The following NAALADL2 variants were observed in gnomAD, a reference collection of about 807,000 sequenced individuals.
The protein encoded by NAALADL2 is inactive N-acetylated-alpha-linked acidic dipeptidase-like protein 2.
Under a neutral mutation model 87.2 loss-of-function variants are expected in NAALADL2, and 76 were observed. That is an observed-to-expected ratio of 0.87 (90% CI 0.72 to 1.05). NAALADL2 has a LOEUF of 1.05. Among genes scored for constraint, NAALADL2 ranks in the 50% least tolerant of loss-of-function variants. The pLI, the probability that NAALADL2 is intolerant of heterozygous loss-of-function variation, is 0.00. For missense variants in NAALADL2, 1,089 were observed against 945.8 expected (o/e 1.15, Z -1.99); for synonymous variants, 354 against 331.0 (o/e 1.07, Z -0.75).
chr3:174,591,466 G>A (rs566321138), intron 2 of NAALADL2, among the ~76,000 whole-genome samples: 2 of 152,090 alleles, frequency 1.3e-5, no homozygotes, highest in Admixed American at 6.5e-5. Flanking sequence ...CTCTATTGAT[G>A]CGGGTAAAGG....
intron 9 of NAALADL2, among the ~76,000 whole-genome samples, chr3:175,520,689 A>G (rs1732531795): frequency 6.6e-6 from 1 of 152,250 alleles, no homozygotes; most frequent in Admixed American, 6.5e-5. Context: ...ATATAATTGA[A>G]GTAACTGATC....
At chr3:174,791,902 T>C (rs1717500398) in intron 3 of NAALADL2, among the ~76,000 whole-genome samples, 1 of 152,112 alleles carries the variant, frequency 6.6e-6, no homozygotes, top group African/African-American at 2.4e-5. Flanking sequence ...CCAATAAATA[T>C]TTGTTGAGTG....
At chr3:175,790,827 T>C (rs1752691472) in intron 13 of NAALADL2, among the ~76,000 whole-genome samples, 2 of 152,242 alleles carry the variant, frequency 1.3e-5, no homozygotes, top group African/African-American at 4.8e-5. Context: ...TCTTTCACAC[T>C]TAAACTATCA....
chr3:175,759,843 T>G (rs1408922793), intron 13 of NAALADL2, among the ~76,000 whole-genome samples: 1 of 152,100 alleles, frequency 6.6e-6, no homozygotes, highest in Non-Finnish European at 1.5e-5. Flanking sequence ...GGTTAGTGGT[T>G]ATGGAAAGGT....
chr3:174,451,013 C>A lies in NAALADL2; in HGVS notation c.-184+9981C>A, dbSNP rs559900485. On this transcript the variant is annotated intron_variant, in intron 1 of 3. Transcript: ENST00000434257. ...TGTTTTTTCAAAATTTTTAATTTTA[C>A]TTAGAATGAGAAAATAAATTTATTT... Among the ~76,000 whole-genome samples, 12 of 151,456 alleles carry A rather than the reference C, an allele frequency of 7.9e-5. No homozygotes were observed. The East Asian group carries it at 9.7e-4, about 12-fold the overall frequency.
intron 1 of NAALADL2, among the ~76,000 whole-genome samples, chr3:174,960,724 A>G (rs969076754): frequency 6.6e-6 from 1 of 152,046 alleles, no homozygotes; most frequent in African/African-American, 2.4e-5. Flanking sequence ...TACTTTTTCT[A>G]AAATACTTAA....
chr3:175,604,266 A>T (rs1358561031), intron 10 of NAALADL2, among the ~76,000 whole-genome samples: 2 of 146,408 alleles, frequency 1.4e-5, no homozygotes, highest in Non-Finnish European at 3.0e-5. Flanking sequence ...GTGGTATCTC[A>T]TTGTAGTTTC....
chr3:175,668,213 T>G (rs1363175020), intron 11 of NAALADL2, among the ~76,000 whole-genome samples: 5 of 152,162 alleles, frequency 3.3e-5, no homozygotes, highest in African/African-American at 1.2e-4. Flanking sequence ...TTCTTTACAA[T>G]GAACTTTTGT....
chr3:174,591,751 G>C (rs936991357), intron 2 of NAALADL2, among the ~76,000 whole-genome samples: 1 of 152,100 alleles, frequency 6.6e-6, no homozygotes, highest in African/African-American at 2.4e-5. Flanking sequence ...TCTAAAGTTA[G>C]AATGAAATTA....
At chr3:175,311,722 C>T (rs1758394121) in intron 4 of NAALADL2, among the ~76,000 whole-genome samples, 2 of 149,996 alleles carry the variant, frequency 1.3e-5, no homozygotes, top group South Asian at 2.2e-4. Context: ...CTCCTTCCTT[C>T]CTTCCTTCTT....
rs117191228 is a variant in NAALADL2, at chr3:175,105,035, G to A, written c.545+7744G>A. ...CTAAAGCAGCACCCACCAATGGGAA[G>A]AATAAAGATTGTTGACAGTGGGGCC... On this transcript the variant is annotated intron_variant, in intron 2 of 13. Transcript: ENST00000454872. Among the ~76,000 whole-genome samples, 12 of 152,266 alleles carry A rather than the reference G, an allele frequency of 7.9e-5. No individual in the cohort carries two copies. In the East Asian group the frequency reaches 2.3e-3, roughly 29 times the overall value.
At chr3:175,580,362 G>A (rs530984803) in intron 10 of NAALADL2, among the ~76,000 whole-genome samples, 116 of 152,132 alleles carry the variant, frequency 7.6e-4, no homozygotes, top group Middle Eastern at 3.4e-3. Context: ...TACAGATGTT[G>A]GAACAGTGTA....
intron 2 of NAALADL2, among the ~76,000 whole-genome samples, chr3:175,132,256 C>CG (rs1185140044): frequency 1.2e-4 from 2 of 17,296 alleles, no homozygotes; most frequent in East Asian, 2.7e-3. Flanking sequence ...GCTGGCCGGG[C>CG]GGGGGGCTGA....
At chr3:175,431,728 G>C (rs1050470957) in intron 5 of NAALADL2, among the ~76,000 whole-genome samples, 1 of 151,892 alleles carries the variant, frequency 6.6e-6, no homozygotes, top group East Asian at 1.9e-4. Flanking sequence ...TTATTTATAG[G>C]CTTTATAGTA....
intron 3 of NAALADL2, among the ~76,000 whole-genome samples, chr3:174,826,946 AAATT>A (rs1560263183): frequency 2.0e-5 from 3 of 152,174 alleles, no homozygotes; most frequent in Non-Finnish European, 1.5e-5. Flanking sequence ...ACTTTAGCCT[AAATT>A]AATTAAGAAA....
intron 2 of NAALADL2, among the ~76,000 whole-genome samples, chr3:174,639,550 C>T (rs528687607): frequency 5.3e-5 from 8 of 152,294 alleles, no homozygotes; most frequent in Admixed American, 1.3e-4. Flanking sequence ...TCCTTTCCCC[C>T]TCCAGAAGTG....
chr3:174,605,028 C>A (rs530580312), intron 2 of NAALADL2, among the ~76,000 whole-genome samples: 2 of 152,300 alleles, frequency 1.3e-5, no homozygotes, highest in East Asian at 3.9e-4. Context: ...ACTGGGATTA[C>A]AGGTGTGAAC....
At chr3:174,874,358 G>A (rs2109642192) in intron 1 of NAALADL2, among the ~76,000 whole-genome samples, 1 of 152,296 alleles carries the variant, frequency 6.6e-6, no homozygotes, top group Admixed American at 6.5e-5. Context: ...GATACTTAAT[G>A]TGCCAAGTTA....
chr3:175,216,013 G>A (rs1016346307), intron 2 of NAALADL2, among the ~76,000 whole-genome samples: 1 of 152,056 alleles, frequency 6.6e-6, no homozygotes, highest in African/African-American at 2.4e-5. Context: ...ATCCTTAATG[G>A]ATGAATAATT....
Sources: gnomAD v4.1 joint callset for allele counts (sites outside exome capture counted in the v4.1 genomes callset) on GRCh38, gnomAD v4.1.1 for gene constraint, MANE v1.5 for transcripts, NCBI Gene and HGNC (gene_info 2026-07-23, HGNC 2026-07-21) for gene names.